CORO2B: variants seen among roughly 807,000 people sequenced by gnomAD.
The protein encoded by CORO2B is coronin-2B.
In CORO2B, 26 loss-of-function variants were observed where a neutral mutation model predicts 58.8. The ratio of observed to expected loss-of-function variants is 0.44; its 90% CI spans 0.32 to 0.61. The LOEUF (loss-of-function observed/expected upper bound fraction) is 0.61, where lower values mean the gene tolerates loss of function less well. Ranked by LOEUF, CORO2B falls within the 20% of genes least tolerant of loss-of-function variation. The pLI is 0.04. For synonymous variants in CORO2B, 242 were observed against 253.8 expected (o/e 0.95, Z 0.44); for missense variants, 460 against 645.1 (o/e 0.71, Z 3.11).
intron 2 of CORO2B, among the ~76,000 whole-genome samples, chr15:68,692,759 A>T (rs1052652992): frequency 1.3e-5 from 2 of 150,048 alleles, no homozygotes; most frequent in Non-Finnish European, 3.0e-5. Flanking sequence ...TCAGCCTCCC[A>T]AGTAGCTGGG....
At chr15:68,666,923 A>G (rs887891093) in intron 2 of CORO2B, among the ~76,000 whole-genome samples, 74 of 152,152 alleles carry the variant, frequency 4.9e-4, no homozygotes, top group African/African-American at 1.7e-3. Flanking sequence ...GCATTGCCAG[A>G]AACCTGCCGC....
chr15:68,717,500 T>G (rs1893059525), intron 8 of CORO2B, among the ~76,000 whole-genome samples: 1 of 152,128 alleles, frequency 6.6e-6, no homozygotes, highest in Non-Finnish European at 1.5e-5. Context: ...CAGCAGGACT[T>G]GCTAAGGTAT....
At chr15:68,560,442 A>C in the CORO2B span, among the ~76,000 whole-genome samples, 1 of 151,904 alleles carries the variant, frequency 6.6e-6, no homozygotes, top group African/African-American at 2.4e-5. Context: ...CTACAGGTGC[A>C]TGCCACCATG....
At chr15:68,588,774 G>A (rs1899629782) in intron 1 of CORO2B, among the ~76,000 whole-genome samples, 2 of 152,320 alleles carry the variant, frequency 1.3e-5, no homozygotes, top group African/African-American at 4.8e-5. Context: ...AATCCAGGAC[G>A]TGGAACGGCT....
At chr15:68,604,017 C>T (rs1256636756) in intron 1 of CORO2B, among the ~76,000 whole-genome samples, 1 of 152,188 alleles carries the variant, frequency 6.6e-6, no homozygotes, top group East Asian at 1.9e-4. Flanking sequence ...AGAGCCCAGG[C>T]TGTGGAGTCA....
the CORO2B span, among the ~76,000 whole-genome samples, chr15:68,549,862 A>G: frequency 6.6e-6 from 1 of 151,950 alleles, no homozygotes; most frequent in South Asian, 2.1e-4. Flanking sequence ...AATTGCTTGA[A>G]CCTGGAAGAT....
chr15:68,613,863 T>A (rs759573405), intron 1 of CORO2B, among the ~76,000 whole-genome samples: 9 of 152,228 alleles, frequency 5.9e-5, no homozygotes, highest in Non-Finnish European at 1.3e-4. Context: ...TTGACTTAGC[T>A]CCAGTGTCCA....
chr15:68,557,541 G>C, the CORO2B span, among the ~76,000 whole-genome samples: 1 of 152,222 alleles, frequency 6.6e-6, no homozygotes, highest in South Asian at 2.1e-4. Flanking sequence ...TCTGGAAAAT[G>C]GCAGTGCAGG....
At chr15:68,649,462 A>G (rs1281848593) in intron 2 of CORO2B, among the ~76,000 whole-genome samples, 1 of 152,188 alleles carries the variant, frequency 6.6e-6, no homozygotes, top group Non-Finnish European at 1.5e-5. Context: ...GGGGTAAACA[A>G]ATTAGGGAAG....
the CORO2B span, among the ~76,000 whole-genome samples, chr15:68,519,580 G>A: frequency 1.3e-5 from 2 of 152,060 alleles, no homozygotes; most frequent in Non-Finnish European, 2.9e-5. Flanking sequence ...AGTTTTTCTA[G>A]AGGTTTATCA....
At chr15:68,549,852 A>C in the CORO2B span, among the ~76,000 whole-genome samples, 37 of 152,200 alleles carry the variant, frequency 2.4e-4, no homozygotes, top group African/African-American at 8.2e-4. Flanking sequence ...GAGGCAGGAG[A>C]ATTGCTTGAA....
chr15:68,719,258 G>A, intron 10 of CORO2B, 24 bp downstream of exon 10: 1 of 1,610,942 alleles, frequency 6.2e-7, no homozygotes, highest in Non-Finnish European at 8.5e-7. Flanking sequence ...GGGCTCCACA[G>A]AGCACAGGCG....
intron 1 of CORO2B, among the ~76,000 whole-genome samples, chr15:68,597,627 CA>C (rs139544672): frequency 0.066 from 9,396 of 142,256 alleles, 334 homozygotes; most frequent in South Asian, 0.095. Context: ...TCCCCCCCAT[CA>C]AAAAAAAAAA....
intron 1 of CORO2B, among the ~76,000 whole-genome samples, chr15:68,584,482 C>T (rs1346985465): frequency 6.6e-6 from 1 of 152,276 alleles, no homozygotes; most frequent in South Asian, 2.1e-4. Flanking sequence ...GGAGTGTGGG[C>T]GCTGGCTGGG....
intron 2 of CORO2B, among the ~76,000 whole-genome samples, chr15:68,673,793 C>T (rs566831873): frequency 6.4e-4 from 88 of 137,388 alleles, no homozygotes; most frequent in African/African-American, 2.2e-3. Context: ...GCCGAGATGG[C>T]GCCACTGCAC....
chr15:68,615,069 G>A (rs1050787753), intron 1 of CORO2B, among the ~76,000 whole-genome samples: 4 of 152,174 alleles, frequency 2.6e-5, no homozygotes, highest in Non-Finnish European at 4.4e-5. Context: ...GAGAGGTGAG[G>A]GCATTGTGGG....
chr15:68,601,287 T>G (rs1223106216), intron 1 of CORO2B, among the ~76,000 whole-genome samples: 1 of 152,168 alleles, frequency 6.6e-6, no homozygotes, highest in Non-Finnish European at 1.5e-5. Flanking sequence ...GCCGCTGGGC[T>G]CCAGGGCGGC....
chr15:68,540,920 A>C, the CORO2B span, among the ~76,000 whole-genome samples: 1 of 152,220 alleles, frequency 6.6e-6, no homozygotes, highest in Non-Finnish European at 1.5e-5. Flanking sequence ...GATTATTATG[A>C]AAATAGTCGT....
chr15:68,587,047 TATACACACACACACACAC>T (rs1354164328), intron 1 of CORO2B, among the ~76,000 whole-genome samples: 76 of 141,822 alleles, frequency 5.4e-4, no homozygotes, highest in African/African-American at 1.5e-3. Context: ...GGGAGATATG[TATACACACACACACACAC>T]ACACACACAC....
Sources: allele counts gnomAD v4.1 joint callset (sites outside exome capture counted in the v4.1 genomes callset), GRCh38; gene constraint gnomAD v4.1.1; transcripts MANE v1.5; gene names NCBI Gene and HGNC (gene_info 2026-07-23, HGNC 2026-07-21).